The following SNTG1 variants were observed in gnomAD, a reference collection of about 807,000 sequenced individuals.
The protein encoded by SNTG1 is syntrophin gamma 1, also known as gamma-1-syntrophin.
SNTG1 carries 39 observed loss-of-function variants against 74.7 expected under a neutral mutation model. The observed-to-expected ratio is 0.52, with a 90% confidence interval of 0.40 to 0.68. The LOEUF (loss-of-function observed/expected upper bound fraction) is 0.68. Among genes scored for constraint, SNTG1 ranks in the 30% least tolerant of loss-of-function variants. SNTG1 has a pLI of 0.00. For synonymous variants in SNTG1, 254 were observed against 217.1 expected (o/e 1.17, Z -1.49); for missense variants, 685 against 609.5 (o/e 1.12, Z -1.30).
In SNTG1 at chr8:50,301,353, C is replaced by T. The variant is rs1390953283; in HGVS notation, c.-27-92859C>T. Among the ~76,000 whole-genome samples, 3 of 151,906 alleles carry T rather than the reference C, an allele frequency of 2.0e-5. 1 individual carries two copies. The highest frequency in any genetic ancestry group is 1.3e-4 in the Admixed American group (2 of 15,234). On this transcript the variant is annotated intron_variant, in intron 2 of 18. Transcript: ENST00000642720. Reference sequence around the variant, plus strand: ...TTCTAGCAGCTCATATATACTATAACCCTATAGCAAAAAATGTTATTTCAA... The same window carrying T: ...TTCTAGCAGCTCATATATACTATAATCCTATAGCAAAAAATGTTATTTCAA...
At chr8:50,123,587 A>T (rs1310737458) in intron 1 of SNTG1, among the ~76,000 whole-genome samples, 1 of 142,870 alleles carries the variant, frequency 7.0e-6, no homozygotes, top group African/African-American at 2.5e-5. Context: ...TTGCTAAGAG[A>T]TGCCTATTAT....
At chr8:50,214,126 G>A (rs1306400210) in intron 2 of SNTG1, among the ~76,000 whole-genome samples, 1 of 151,442 alleles carries the variant, frequency 6.6e-6, no homozygotes, top group Non-Finnish European at 1.5e-5. Flanking sequence ...GATGAAATTG[G>A]AAATCATCAT....
At chr8:50,344,008 T>A (rs950371574) in intron 2 of SNTG1, among the ~76,000 whole-genome samples, 5 of 152,188 alleles carry the variant, frequency 3.3e-5, no homozygotes, top group African/African-American at 9.7e-5. Flanking sequence ...TTCTCTTTAC[T>A]GACAGACTGT....
At chr8:50,491,739 C>T (rs1030873291) in intron 8 of SNTG1, among the ~76,000 whole-genome samples, 1 of 148,480 alleles carries the variant, frequency 6.7e-6, no homozygotes, top group Admixed American at 6.7e-5. Context: ...ATTTATTTTA[C>T]TTTAAGTTCT....
At chr8:50,401,365 A>G (rs2092803457) in intron 3 of SNTG1, among the ~76,000 whole-genome samples, 2 of 152,198 alleles carry the variant, frequency 1.3e-5, no homozygotes, top group South Asian at 4.1e-4. Flanking sequence ...TATTCTGGAT[A>G]AATGACAAGA....
At chr8:50,629,365 A>G (rs1025244617) in intron 13 of SNTG1, among the ~76,000 whole-genome samples, 16 of 152,114 alleles carry the variant, frequency 1.1e-4, no homozygotes, top group African/African-American at 2.7e-4. Flanking sequence ...GTAAGTTTAC[A>G]TAGAGACTAT....
intron 18 of SNTG1, among the ~76,000 whole-genome samples, chr8:50,764,455 G>T (rs766027413): frequency 1.3e-5 from 2 of 151,832 alleles, no homozygotes; most frequent in Non-Finnish European, 2.9e-5. Context: ...ATTGGGCAAA[G>T]GACTCATTTT....
intron 1 of SNTG1, among the ~76,000 whole-genome samples, chr8:50,165,493 C>T (rs527983838): frequency 8.7e-4 from 133 of 152,252 alleles, no homozygotes; most frequent in Non-Finnish European, 1.0e-3. Flanking sequence ...GTACTCATCT[C>T]CAGATAGAGC....
intron 1 of SNTG1, among the ~76,000 whole-genome samples, chr8:50,040,984 C>T (rs1369117830): frequency 6.6e-6 from 1 of 152,182 alleles, no homozygotes; most frequent in Non-Finnish European, 1.5e-5. Flanking sequence ...GCAACCCCCG[C>T]CTCCCAGGTT....
intron 1 of SNTG1, among the ~76,000 whole-genome samples, chr8:49,976,794 T>G (rs1008870322): frequency 6.6e-6 from 1 of 152,058 alleles, no homozygotes; most frequent in Non-Finnish European, 1.5e-5. Flanking sequence ...GGAGAGAAAT[T>G]TTGCTTAAAT....
intron 2 of SNTG1, among the ~76,000 whole-genome samples, chr8:50,324,186 T>C (rs895718234): frequency 3.9e-5 from 6 of 152,152 alleles, no homozygotes; most frequent in Non-Finnish European, 8.8e-5. Context: ...GGTAAATATT[T>C]TCCCTCCTTG....
rs372947390 is a variant in SNTG1 at position 50,658,586 on chromosome 8, T to G, written c.967-6T>G. The G allele has an allele frequency of 6.3e-7, 1 of 1,591,262 alleles. No individual in the cohort carries two copies. The highest frequency in any genetic ancestry group is 1.7e-5 in the Admixed American group (1 of 58,104). ...AAATTAAACATTATTTTCTTATCTT[T>G]TAAAGGTGACCACCTGGGACTGGAC... On this transcript the variant is annotated splice_polypyrimidine_tract_variant and splice_region_variant and intron_variant, in intron 14 of 18. Coordinates refer to ENST00000642720, the MANE Select transcript of SNTG1 (RefSeq NM_018967.5).
intron 15 of SNTG1, among the ~76,000 whole-genome samples, chr8:50,692,341 C>G (rs1309553552): frequency 6.6e-6 from 1 of 152,152 alleles, no homozygotes; most frequent in East Asian, 1.9e-4. Flanking sequence ...TTTAGGGTTT[C>G]CAGTTTTTCT....
At chr8:49,917,907 G>A (rs1384252838) in intron 1 of SNTG1, among the ~76,000 whole-genome samples, 2 of 152,112 alleles carry the variant, frequency 1.3e-5, no homozygotes, top group South Asian at 2.1e-4. Flanking sequence ...AGAACAAAAC[G>A]TGAGAACTGA....
chr8:50,566,164 C>T (rs1220555078), intron 12 of SNTG1, among the ~76,000 whole-genome samples: 1 of 151,728 alleles, frequency 6.6e-6, no homozygotes, highest in Non-Finnish European at 1.5e-5. Context: ...GTCTGGTATC[C>T]TTGCTTAATA....
intron 2 of SNTG1, among the ~76,000 whole-genome samples, chr8:50,337,275 G>T (rs1436090952): frequency 2.0e-5 from 3 of 152,204 alleles, no homozygotes; most frequent in Non-Finnish European, 4.4e-5. Flanking sequence ...CTTACTAGGA[G>T]CAGAAACCAT....
chr8:50,539,191 C>T (rs2094328527), intron 11 of SNTG1, among the ~76,000 whole-genome samples: 1 of 152,076 alleles, frequency 6.6e-6, no homozygotes, highest in African/African-American at 2.4e-5. Flanking sequence ...TCTCATTCAA[C>T]TTGTGATTTT....
intron 2 of SNTG1, among the ~76,000 whole-genome samples, chr8:50,266,646 ATGTGTGTG>A (rs748153246): frequency 1.8e-3 from 124 of 69,720 alleles, no homozygotes; most frequent in South Asian, 0.012. Context: ...ACACAGAATT[ATGTGTGTG>A]TGTGTGTGTG....
At chr8:50,133,156 AC>A (rs1475557203) in intron 1 of SNTG1, among the ~76,000 whole-genome samples, 1 of 152,164 alleles carries the variant, frequency 6.6e-6, no homozygotes, top group Non-Finnish European at 1.5e-5. Context: ...CTAAATGTTC[AC>A]ATTTATGACT....
Sources: gnomAD v4.1 joint callset for allele counts (sites outside exome capture counted in the v4.1 genomes callset) on GRCh38, gnomAD v4.1.1 for gene constraint, MANE v1.5 for transcripts, NCBI Gene and HGNC (gene_info 2026-07-23, HGNC 2026-07-21) for gene names.